SLC9A9: variants seen among roughly 807,000 people sequenced by gnomAD.
The protein encoded by SLC9A9 is sodium/hydrogen exchanger 9.
A neutral mutation model predicts 77.8 loss-of-function variants in SLC9A9; 62 were observed. The ratio of observed to expected loss-of-function variants is 0.80; its 90% CI spans 0.65 to 0.98. The LOEUF is 0.98. SLC9A9 is among the 50% of genes least tolerant of loss of function. The probability of loss-of-function intolerance (pLI) is 0.00; values close to 1 mark genes in which losing one functional copy is unlikely to be tolerated. For synonymous variants in SLC9A9, 320 were observed against 283.5 expected, an observed-to-expected ratio of 1.13 and a Z score of -1.29; for missense variants, 775 against 774.9, an observed-to-expected ratio of 1.00 and a Z score of 0.00.
chr3:143,643,867 G>A (rs2038660821), intron 6 of SLC9A9, among the ~76,000 whole-genome samples: 2 of 151,904 alleles, frequency 1.3e-5, no homozygotes, highest in Admixed American at 6.5e-5. Flanking sequence ...AATTCCCTTC[G>A]AGTATTATGT....
intron 9 of SLC9A9, among the ~76,000 whole-genome samples, chr3:143,525,337 C>T (rs1433639501): frequency 6.6e-6 from 1 of 152,122 alleles, no homozygotes; most frequent in African/African-American, 2.4e-5. Flanking sequence ...CAAATGATAT[C>T]CCTGTGTGAG....
At chr3:143,299,324 T>C (rs1460993573) in intron 14 of SLC9A9, among the ~76,000 whole-genome samples, 2 of 152,198 alleles carry the variant, frequency 1.3e-5, no homozygotes, top group African/African-American at 2.4e-5. Context: ...CAGCTCTGTA[T>C]AGGAGCTCTG....
At chr3:143,638,315 C>G (rs1243614668) in intron 6 of SLC9A9, among the ~76,000 whole-genome samples, 1 of 152,206 alleles carries the variant, frequency 6.6e-6, no homozygotes, top group Non-Finnish European at 1.5e-5. Context: ...TAGAATTTGA[C>G]TTTCATATAT....
intron 6 of SLC9A9, among the ~76,000 whole-genome samples, chr3:143,583,256 C>G (rs1439494915): frequency 6.6e-6 from 1 of 152,072 alleles, no homozygotes; most frequent in Non-Finnish European, 1.5e-5. Context: ...GATTATTCAG[C>G]AAAATTAGTT....
chr3:143,700,140 A>G (rs1313662475), intron 4 of SLC9A9, among the ~76,000 whole-genome samples: 2 of 151,776 alleles, frequency 1.3e-5, no homozygotes, highest in Admixed American at 6.6e-5. Context: ...AGGACCCATC[A>G]TCTGCTGACC....
At chr3:143,536,624 T>G (rs1260856930) in intron 9 of SLC9A9, among the ~76,000 whole-genome samples, 3 of 152,174 alleles carry the variant, frequency 2.0e-5, no homozygotes, top group Admixed American at 6.5e-5. Context: ...GCTTGACAAT[T>G]GTTCTTTTTG....
intron 5 of SLC9A9, among the ~76,000 whole-genome samples, chr3:143,654,543 G>A (rs901018594): frequency 6.6e-6 from 1 of 152,184 alleles, no homozygotes; most frequent in Non-Finnish European, 1.5e-5. Flanking sequence ...CTCCTTTTTG[G>A]ATAGAGTTAA....
intron 4 of SLC9A9, among the ~76,000 whole-genome samples, chr3:143,791,623 C>G (rs2008227548): frequency 6.6e-6 from 1 of 152,322 alleles, no homozygotes; most frequent in Non-Finnish European, 1.5e-5. Context: ...TTCCTGGCAC[C>G]CATCATAACT....
intron 4 of SLC9A9, among the ~76,000 whole-genome samples, chr3:143,792,535 C>A (rs539474901): frequency 6.6e-6 from 1 of 152,262 alleles, no homozygotes; most frequent in South Asian, 2.1e-4. Context: ...TTTGACCTCT[C>A]CTGTGTTAGG....
At chr3:143,808,008 C>A (rs1349624857) in intron 2 of SLC9A9, among the ~76,000 whole-genome samples, 3 of 152,008 alleles carry the variant, frequency 2.0e-5, no homozygotes, top group African/African-American at 7.3e-5. Flanking sequence ...AGGATGGTGG[C>A]CGGGAGTTGG....
At position 143,720,945 on chromosome 3, in the gene SLC9A9, A is replaced by G. The variant is rs185601173; in HGVS notation, c.534-27638T>C. Among the ~76,000 whole-genome samples, 22 of 152,310 alleles carry G rather than the reference A, an allele frequency of 1.4e-4. No homozygotes were observed. In the East Asian group the frequency reaches 4.0e-3, roughly 28 times the overall value. On this transcript the variant is annotated intron_variant, in intron 4 of 15. Coordinates refer to ENST00000316549, the MANE Select transcript of SLC9A9 (RefSeq NM_173653.4). ...TATATGGTTAAAAGAACAAAGTCCA[A>G]GGCCTGCTATCCCAACACTTGGGGA...
intron 5 of SLC9A9, among the ~76,000 whole-genome samples, chr3:143,681,271 TA>T (rs201449828): frequency 2.0e-3 from 308 of 152,260 alleles, no homozygotes; most frequent in African/African-American, 6.1e-3. Context: ...TAGATTTTGG[TA>T]AATACTTTGA....
intron 6 of SLC9A9, among the ~76,000 whole-genome samples, chr3:143,634,317 T>C (rs1303070297): frequency 1.3e-5 from 2 of 152,198 alleles, no homozygotes; most frequent in African/African-American, 4.8e-5. Context: ...AGTGTTTTCT[T>C]CTTCAAAACC....
chr3:143,474,387 C>G (rs2035431663), intron 11 of SLC9A9, among the ~76,000 whole-genome samples: 1 of 152,092 alleles, frequency 6.6e-6, no homozygotes, highest in Non-Finnish European at 1.5e-5. Context: ...CTTAAAAACT[C>G]TGACTCTGAT....
chr3:143,774,232 C>G (rs1013774687), intron 4 of SLC9A9, among the ~76,000 whole-genome samples: 2 of 152,310 alleles, frequency 1.3e-5, no homozygotes, highest in African/African-American at 4.8e-5. Context: ...AACCACGTCA[C>G]CTTTCGGGAC....
chr3:143,309,889 C>T (rs1411981296), intron 14 of SLC9A9, among the ~76,000 whole-genome samples: 1 of 152,142 alleles, frequency 6.6e-6, no homozygotes, highest in Non-Finnish European at 1.5e-5. Context: ...AGTCTCTGTC[C>T]CATGAAATCC....
intron 14 of SLC9A9, among the ~76,000 whole-genome samples, chr3:143,276,517 A>G (rs1938052324): frequency 6.6e-6 from 1 of 152,088 alleles, no homozygotes; most frequent in African/African-American, 2.4e-5. Flanking sequence ...ATCTTCTAGG[A>G]ATTGCATTTT....
chr3:143,328,558 C>A (rs2031671197), intron 14 of SLC9A9, among the ~76,000 whole-genome samples: 1 of 152,306 alleles, frequency 6.6e-6, no homozygotes, highest in East Asian at 1.9e-4. Flanking sequence ...CGATTCAAAA[C>A]CCTACACGGT....
intron 8 of SLC9A9, among the ~76,000 whole-genome samples, chr3:143,568,408 C>A (rs1181199279): frequency 6.6e-6 from 1 of 152,124 alleles, no homozygotes; most frequent in East Asian, 1.9e-4. Flanking sequence ...TGTGTTGGGG[C>A]AGCCAGAACC....
Sources: allele counts gnomAD v4.1 joint callset (sites outside exome capture counted in the v4.1 genomes callset), GRCh38; gene constraint gnomAD v4.1.1; transcripts MANE v1.5; gene names NCBI Gene and HGNC (gene_info 2026-07-23, HGNC 2026-07-21).